PSD3: variants seen among roughly 807,000 people sequenced by gnomAD.
PSD3 encodes pleckstrin and Sec7 domain containing 3.
In PSD3, 49 loss-of-function variants were observed where a neutral mutation model predicts 105.5. The ratio of observed to expected loss-of-function variants is 0.46; its 90% CI spans 0.37 to 0.59. The LOEUF is 0.59. Ranked by LOEUF, PSD3 falls within the 20% of genes least tolerant of loss-of-function variation. The pLI, the probability that PSD3 is intolerant of heterozygous loss-of-function variation, is 0.00. For synonymous variants in PSD3, 557 were observed against 457.8 expected, an observed-to-expected ratio of 1.22 and a Z score of -2.77; for missense variants, 1,561 against 1,263.8, an observed-to-expected ratio of 1.24 and a Z score of -3.57.
intron 4 of PSD3, among the ~76,000 whole-genome samples, chr8:18,828,525 G>A (rs1167794094): frequency 6.6e-6 from 1 of 152,074 alleles, no homozygotes; most frequent in South Asian, 2.1e-4. Context: ...TACTGGCCAG[G>A]CATGGTGGCT....
In PSD3 at chr8:18,535,553, A is replaced by G. The variant is rs1799802722; in HGVS notation, c.*190T>C. 1.7e-6 allele frequency: 1 copy of G among 594,900 alleles called. No individual in the cohort carries two copies. Among genetic ancestry groups the G allele is most frequent in the African/African-American group, 1.9e-5 (1 of 54,044 alleles). The allele number at this position is 594,900 out of a possible 1,614,324, so 36.9% of individuals were successfully genotyped here. ...CATTAGCTATCAAGTTGCAAAAATCATCAAAGCAAAAGAAATCAAGAGCAA... is the reference window on the plus strand; with the variant it reads ...CATTAGCTATCAAGTTGCAAAAATCGTCAAAGCAAAAGAAATCAAGAGCAA... On this transcript the variant is annotated 3_prime_UTR_variant, in exon 16 of 16. Coordinates refer to ENST00000327040, the MANE Select transcript of PSD3 (RefSeq NM_015310.4).
Position 18,871,876 on chromosome 8 carries a change from C to T in PSD3, c.988G>A (p.Ala330Thr). The change falls in exon 3 of 16, where the codon GCC becomes ACC. Residue 330 changes from alanine to threonine, a missense_variant. Physicochemically the swap from Ala to Thr is moderately conservative, Grantham distance 58. Coordinates refer to ENST00000327040, the MANE Select transcript of PSD3 (RefSeq NM_015310.4). ...IDFETSLQRT[A>T]SPDSKESSKV... ...GAAGACTCTTTGCTGTCAGGAGAGG[C>T]TGTTCTTTGCAGTGATGTCTCAAAA... The T allele has an allele frequency of 6.2e-7, 1 of 1,614,206 alleles. No individual in the cohort carries two copies. Among genetic ancestry groups the T allele is most frequent in the South Asian group, 1.1e-5 (1 of 91,078 alleles).
At chr8:18,721,215 G>A (rs1448677284) in intron 9 of PSD3, 1 of 151,166 alleles carries the variant, frequency 6.6e-6, no homozygotes, top group Non-Finnish European at 1.5e-5. Flanking sequence ...TTCTGATACT[G>A]TTTTATCAAT....
intron 4 of PSD3, among the ~76,000 whole-genome samples, chr8:18,856,843 C>G (rs1278869712): frequency 6.6e-6 from 1 of 152,194 alleles, no homozygotes; most frequent in Non-Finnish European, 1.5e-5. Flanking sequence ...TCAAGCATTT[C>G]AAGCACTGTT....
At chr8:18,582,482 T>C (rs1802882246) in intron 12 of PSD3, among the ~76,000 whole-genome samples, 1 of 152,136 alleles carries the variant, frequency 6.6e-6, no homozygotes, top group Non-Finnish European at 1.5e-5. Context: ...CATATGAGTA[T>C]ATGGTCCACT....
intron 1 of PSD3, among the ~76,000 whole-genome samples, chr8:19,072,746 C>T (rs1010546114): frequency 1.3e-5 from 2 of 152,176 alleles, no homozygotes; most frequent in Non-Finnish European, 2.9e-5. Context: ...GCAATCAAAG[C>T]AGGGAGGCTC....
rs796652851 is a variant in PSD3, at chr8:18,888,484, G to GA, written c.131-15752dup. On this transcript the variant is annotated intron_variant, in intron 2 of 15. Transcript: ENST00000327040. ...CCTCTGTGAGCCTCAATTTCCATCT[G>GA]AAAAAAAAAAACGGGAATAATAATG... Among the ~76,000 whole-genome samples, 1,187 of 139,466 alleles carry GA rather than the reference G, an allele frequency of 8.5e-3. 13 individuals are homozygous for GA. The highest frequency in any genetic ancestry group is 0.06 in the East Asian group (288 of 4,816). The allele number at this position is 139,466 out of a possible 152,430, so 91.5% of individuals were successfully genotyped here.
At chr8:19,021,863 G>A (rs1256615479) in intron 1 of PSD3, among the ~76,000 whole-genome samples, 2 of 152,204 alleles carry the variant, frequency 1.3e-5, no homozygotes, top group African/African-American at 2.4e-5. Flanking sequence ...CTGGAAGAGT[G>A]CAGTTGTGAA....
intron 12 of PSD3, among the ~76,000 whole-genome samples, chr8:18,599,585 A>G (rs1804285207): frequency 6.6e-6 from 1 of 152,152 alleles, no homozygotes; most frequent in African/African-American, 2.4e-5. Context: ...GACGCCTGAA[A>G]TTTTGAATAG....
intron 1 of PSD3, among the ~76,000 whole-genome samples, chr8:18,949,259 A>ATG (rs1563453852): frequency 1.9e-5 from 2 of 105,558 alleles, no homozygotes; most frequent in Non-Finnish European, 4.0e-5. Flanking sequence ...ATATATATAT[A>ATG]TATATATATA....
chr8:18,816,481 A>G (rs183641540), intron 4 of PSD3, among the ~76,000 whole-genome samples: 40 of 152,360 alleles, frequency 2.6e-4, no homozygotes, highest in African/African-American at 9.4e-4. Context: ...TACTGCACGC[A>G]TAACTTTGGT....
chr8:18,535,533 G>A lies in PSD3; in HGVS notation c.*210C>T. 1 of 564,110 alleles carries A rather than the reference G, an allele frequency of 1.8e-6. No homozygotes were observed. 34.9% of individuals were successfully genotyped at this position (564,110 alleles called of 1,614,324 possible). On this transcript the variant is annotated 3_prime_UTR_variant, in exon 16 of 16. Coordinates refer to ENST00000327040, the MANE Select transcript of PSD3 (RefSeq NM_015310.4). ...TCCTCCTCACAGAAAAGGTGCATTA[G>A]CTATCAAGTTGCAAAAATCATCAAA...
chr8:18,557,369 A>T (rs1585234894), intron 14 of PSD3: 1 of 152,310 alleles, frequency 6.6e-6, no homozygotes, highest in Non-Finnish European at 1.5e-5. Flanking sequence ...ATAAACAGAA[A>T]ATGAATAACT....
intron 12 of PSD3, among the ~76,000 whole-genome samples, chr8:18,587,494 C>A (rs73582009): frequency 0.014 from 2,062 of 152,196 alleles, 56 homozygotes; most frequent in African/African-American, 0.047. Context: ...AAGTAGTTTG[C>A]CACTCTTTGA....
chr8:18,846,948 C>G (rs979116941), intron 4 of PSD3, among the ~76,000 whole-genome samples: 6 of 152,092 alleles, frequency 3.9e-5, no homozygotes, highest in African/African-American at 1.4e-4. Flanking sequence ...ACCAGGAAAA[C>G]CCCAGGCCCC....
intron 1 of PSD3, among the ~76,000 whole-genome samples, chr8:19,050,324 T>C (rs1172498803): frequency 1.3e-5 from 2 of 152,126 alleles, no homozygotes; most frequent in Non-Finnish European, 2.9e-5. Context: ...CTGTCAAGGA[T>C]ATAATGGCTA....
chr8:18,594,298 TA>T (rs1316135928), intron 12 of PSD3, among the ~76,000 whole-genome samples: 2 of 39,386 alleles, frequency 5.1e-5, no homozygotes. Flanking sequence ...ATATTATATA[TA>T]ATAATATATA....
chr8:18,777,254 G>C (rs1808190911), intron 8 of PSD3, among the ~76,000 whole-genome samples: 1 of 152,102 alleles, frequency 6.6e-6, no homozygotes, highest in African/African-American at 2.4e-5. Context: ...TGTTGGCCAG[G>C]ATGGTCTCGA....
intron 9 of PSD3, among the ~76,000 whole-genome samples, chr8:18,674,610 G>C (rs978466429): frequency 2.0e-5 from 3 of 152,130 alleles, no homozygotes; most frequent in Non-Finnish European, 4.4e-5. Flanking sequence ...ATCACAGCAG[G>C]GGGTGGATGG....
Sources: gnomAD v4.1 joint callset for allele counts (sites outside exome capture counted in the v4.1 genomes callset) on GRCh38, gnomAD v4.1.1 for gene constraint, MANE v1.5 for transcripts, NCBI Gene and HGNC (gene_info 2026-07-23, HGNC 2026-07-21) for gene names.